The following RAB11FIP4 variants were observed in gnomAD, a reference collection of about 807,000 sequenced individuals.
RAB11FIP4 encodes RAB11 family interacting protein 4.
In RAB11FIP4, 23 loss-of-function variants were observed where a neutral mutation model predicts 74.3. The observed-to-expected ratio is 0.31, with a 90% CI of 0.22 to 0.44. RAB11FIP4 has a LOEUF of 0.44. Ranked by LOEUF, RAB11FIP4 falls within the 20% of genes least tolerant of loss-of-function variation. The pLI, the probability that RAB11FIP4 is intolerant of heterozygous loss-of-function variation, is 1.00. For synonymous variants in RAB11FIP4, 360 were observed against 359.9 expected (o/e 1.00, Z 0.00); for missense variants, 630 against 863.9 (o/e 0.73, Z 3.39).
At chr17:31,458,264 T>C (rs1330764045) in intron 3 of RAB11FIP4, among the ~76,000 whole-genome samples, 1 of 152,150 alleles carries the variant, frequency 6.6e-6, no homozygotes, top group African/African-American at 2.4e-5. Flanking sequence ...ACCCCATCCC[T>C]GGAGGCAGGA....
intron 3 of RAB11FIP4, among the ~76,000 whole-genome samples, chr17:31,507,333 T>C (rs1218535224): frequency 1.3e-5 from 2 of 152,188 alleles, no homozygotes; most frequent in Admixed American, 1.3e-4. Flanking sequence ...AGTTCCCTTT[T>C]CTCCACATCC....
intron 3 of RAB11FIP4, among the ~76,000 whole-genome samples, chr17:31,505,191 TG>T (rs998069444): frequency 2.0e-5 from 3 of 151,558 alleles, no homozygotes; most frequent in African/African-American, 7.3e-5. Context: ...TAGAGGTATG[TG>T]GGGTGCTTTG....
intron 1 of RAB11FIP4, among the ~76,000 whole-genome samples, chr17:31,405,277 C>T (rs1211521427): frequency 6.6e-6 from 1 of 152,156 alleles, no homozygotes; most frequent in East Asian, 1.9e-4. Context: ...GGTGCTGGAG[C>T]CCTGAGCCCA....
chr17:31,534,194 G>C lies in RAB11FIP4; in HGVS notation c.*2462G>C, dbSNP rs2072920731. 6.6e-6 allele frequency: 1 copy of C among 152,212 alleles called. No homozygotes were observed. Among genetic ancestry groups the C allele is most frequent in the African/African-American group, 2.4e-5 (1 of 41,436 alleles). 9.4% of individuals were successfully genotyped at this position (152,212 alleles called of 1,614,324 possible). On this transcript the variant is annotated 3_prime_UTR_variant, in exon 15 of 15. Coordinates refer to ENST00000621161, the MANE Select transcript of RAB11FIP4 (RefSeq NM_032932.6). Reference sequence around the variant, plus strand: ...TCAGTAGTGGGGCTGCGAGGTAGTAGACAGGATGCCCAGTTAAGTTTGAAT... The same window carrying C: ...TCAGTAGTGGGGCTGCGAGGTAGTACACAGGATGCCCAGTTAAGTTTGAAT...
At chr17:31,446,714 C>G (rs915459979) in intron 3 of RAB11FIP4, among the ~76,000 whole-genome samples, 1 of 152,110 alleles carries the variant, frequency 6.6e-6, no homozygotes, top group African/African-American at 2.4e-5. Flanking sequence ...CCCTAAGATA[C>G]ACTGGACGGT....
chr17:31,497,859 C>G (rs185748534), intron 3 of RAB11FIP4, among the ~76,000 whole-genome samples: 98 of 152,258 alleles, frequency 6.4e-4, no homozygotes, highest in African/African-American at 2.2e-3. Context: ...CTGCCCCCTC[C>G]CTCTTGAGAT....
intron 9 of RAB11FIP4, chr17:31,524,294 A>T: frequency 2.7e-6 from 1 of 367,650 alleles, no homozygotes; most frequent in East Asian, 5.4e-5. Context: ...TGTCTCACTC[A>T]TACAGTGACA....
intron 3 of RAB11FIP4, among the ~76,000 whole-genome samples, chr17:31,494,866 T>C (rs7213279): frequency 0.2 from 30,871 of 152,144 alleles, 3,226 homozygotes; most frequent in South Asian, 0.3. Flanking sequence ...TGTGGCAGTC[T>C]GTGAATGAGA....
In RAB11FIP4 at chr17:31,409,049, G is replaced by A. The variant is rs191150067; in HGVS notation, c.159+17038G>A. On this transcript the variant is annotated intron_variant, in intron 1 of 14. Transcript: ENST00000621161. ...ACACAGACGGCCGCAGAGTTGATCC[G>A]GGCAGCCAGATGCAGCTAGCTGGGC... 5.9e-5 allele frequency among the ~76,000 whole-genome samples: 9 copies of A among 152,282 alleles called. No homozygotes were observed. In the East Asian group the frequency reaches 1.2e-3, roughly 20 times the overall value.
At position 31,505,585 on chromosome 17, in the gene RAB11FIP4, A is replaced by AT. The variant is rs1163757002; in HGVS notation, c.337-12065dup. On this transcript the variant is annotated intron_variant, in intron 3 of 14. Transcript: ENST00000621161. ...TTATAATATATAATAATATATAATA[A>AT]TAATTATATATTATATAATAATAAT... Among the ~76,000 whole-genome samples, 10 of 82,304 alleles carry AT rather than the reference A, an allele frequency of 1.2e-4. No homozygotes were observed. The East Asian group carries it at 2.4e-3, about 19-fold the overall frequency. The allele number at this position is 82,304 out of a possible 152,430, so 54.0% of individuals were successfully genotyped here.
At chr17:31,474,211 C>T (rs1210582643) in intron 3 of RAB11FIP4, among the ~76,000 whole-genome samples, 1 of 152,130 alleles carries the variant, frequency 6.6e-6, no homozygotes, top group Non-Finnish European at 1.5e-5. Flanking sequence ...TTCGGAGCTC[C>T]AGGAAGAGGT....
Position 31,512,247 on chromosome 17 carries a change from C to T in RAB11FIP4, c.337-5404C>T, listed in dbSNP as rs114725521. Among the ~76,000 whole-genome samples the T allele has an allele frequency of 4.0e-3, 605 of 152,284 alleles. 3 individuals carry two copies. The highest frequency in any genetic ancestry group is 0.014 in the African/African-American group (563 of 41,562). The stretch of plus-strand genomic sequence containing the variant: ...ACGGCTCCTACCGTGACCGACTCTC[C>T]GGTGTAAATTGTCACGTGTGGCCCC... On this transcript the variant is annotated intron_variant, in intron 3 of 14. Transcript: ENST00000621161. This position sits in a 1 kb window ranked among gnomAD's most constrained non-coding sequence, Gnocchi z 4.1.
chr17:31,392,269 C>T (rs898115573), intron 1 of RAB11FIP4: 1 of 313,926 alleles, frequency 3.2e-6, no homozygotes, highest in Non-Finnish European at 5.9e-6. Flanking sequence ...CACCTTCCTT[C>T]CTCGGCCATG....
chr17:31,405,308 C>T (rs558707778), intron 1 of RAB11FIP4, among the ~76,000 whole-genome samples: 2 of 152,276 alleles, frequency 1.3e-5, no homozygotes, highest in South Asian at 2.1e-4. Context: ...CACTCATAGG[C>T]CTGCCAAGCT....
At chr17:31,524,158 C>T in intron 9 of RAB11FIP4, 162 bp downstream of exon 9, 1 of 617,838 alleles carries the variant, frequency 1.6e-6, no homozygotes, top group South Asian at 1.9e-5. Flanking sequence ...ACATGTGGTG[C>T]CCAGGACAGG....
chr17:31,523,435 C>A, intron 7 of RAB11FIP4, 77 bp from the exon 8 acceptor site: 1 of 1,176,646 alleles, frequency 8.5e-7, no homozygotes, highest in Non-Finnish European at 1.3e-6. Context: ...ACTGGATGCT[C>A]GCCTAGCCAG....
chr17:31,496,247 G>A (rs1386903558), intron 3 of RAB11FIP4, among the ~76,000 whole-genome samples: 1 of 152,178 alleles, frequency 6.6e-6, no homozygotes, highest in Non-Finnish European at 1.5e-5. Flanking sequence ...CAGCTTTATG[G>A]CTCGCCAGCT....
chr17:31,484,385 T>A (rs58656472), intron 3 of RAB11FIP4, among the ~76,000 whole-genome samples: 115,033 of 149,396 alleles, frequency 0.77, 44,096 homozygotes, highest in East Asian at 0.94. Context: ...ATTGTCTCTT[T>A]AAAAAAAAAA....
chr17:31,410,515 A>G (rs558032570), intron 1 of RAB11FIP4, among the ~76,000 whole-genome samples: 1 of 151,978 alleles, frequency 6.6e-6, no homozygotes, highest in African/African-American at 2.4e-5. Flanking sequence ...GGAGTTGGAG[A>G]CCATCCTGGC....
Sources: allele counts gnomAD v4.1 joint callset (sites outside exome capture counted in the v4.1 genomes callset), GRCh38; gene constraint gnomAD v4.1.1; non-coding constraint Gnocchi (gnomAD v3.1); transcripts MANE v1.5; gene names NCBI Gene and HGNC (gene_info 2026-07-23, HGNC 2026-07-21).